The following PLCL2 variants were observed in gnomAD, a reference collection of about 807,000 sequenced individuals.
PLCL2 encodes inactive phospholipase C-like protein 2.
In PLCL2, 4 loss-of-function variants were observed where a neutral mutation model predicts 79.6. That is an observed-to-expected ratio of 0.05 (90% confidence interval 0.02 to 0.11). The LOEUF (loss-of-function observed/expected upper bound fraction) is 0.11, where lower values mean the gene tolerates loss of function less well. Ranked by LOEUF, PLCL2 falls within the 10% of genes least tolerant of loss-of-function variation. PLCL2 has a pLI of 1.00. For synonymous variants in PLCL2, 484 were observed against 457.7 expected (o/e 1.06, Z -0.73); for missense variants, 895 against 1,291.0 (o/e 0.69, Z 4.70).
At chr3:17,043,955 A>AT (rs2064755277) in intron 4 of PLCL2, 1 of 152,156 alleles carries the variant, frequency 6.6e-6, no homozygotes, top group African/African-American at 2.4e-5. Flanking sequence ...TTCAAACACA[A>AT]TTTTTATCTA....
Position 17,079,551 on chromosome 3 carries a change from G to A in PLCL2, c.3205-10182G>A, listed in dbSNP as rs561023117. Among the ~76,000 whole-genome samples the A allele has an allele frequency of 5.3e-5, 8 of 152,228 alleles. No individual in the cohort carries two copies. The East Asian group carries it at 5.8e-4, about 11-fold the overall frequency. The stretch of plus-strand genomic sequence containing the variant: ...CAGAGGTGCCATATGTTGGAGTCAC[G>A]GTCACTCCTCTGTGGCAGGCAGCAT... On this transcript the variant is annotated intron_variant, in intron 5 of 5. Transcript: ENST00000615277.
intron 1 of PLCL2, among the ~76,000 whole-genome samples, chr3:16,904,319 C>CAAAAAAAAAAAAAAAAAAAAAAAAA (rs759121819): frequency 2.2e-5 from 3 of 137,288 alleles, no homozygotes; most frequent in East Asian, 2.0e-4. Flanking sequence ...AAAAAAAAAG[C>CAAAAAAAAAAAAAAAAAAAAAAAAA]AAACTTTGGA....
At chr3:16,922,991 T>C (rs1481460708) in intron 1 of PLCL2, among the ~76,000 whole-genome samples, 2 of 152,148 alleles carry the variant, frequency 1.3e-5, no homozygotes. Context: ...CCCTCTATAA[T>C]ACATATTTAA....
At chr3:16,931,908 A>G (rs1697405148) in intron 1 of PLCL2, among the ~76,000 whole-genome samples, 2 of 152,340 alleles carry the variant, frequency 1.3e-5, no homozygotes, top group African/African-American at 4.8e-5. Flanking sequence ...TGAGATAATT[A>G]GGTCATGAAG....
intron 1 of PLCL2, among the ~76,000 whole-genome samples, chr3:16,996,824 G>T (rs1387790436): frequency 6.6e-6 from 1 of 152,094 alleles, no homozygotes; most frequent in Non-Finnish European, 1.5e-5. Context: ...GTAATTATTT[G>T]ATTTTTAAAT....
intron 4 of PLCL2, among the ~76,000 whole-genome samples, chr3:17,063,878 A>G (rs1415868449): frequency 1.3e-5 from 2 of 152,228 alleles, no homozygotes; most frequent in Admixed American, 1.3e-4. Context: ...GTTTTAAAAC[A>G]AAACCAACTT....
chr3:16,904,981 C>G, intron 1 of PLCL2, among the ~76,000 whole-genome samples: 1 of 152,122 alleles, frequency 6.6e-6, no homozygotes, highest in East Asian at 1.9e-4. Context: ...TATCTAGTCT[C>G]AGGTATTTCT....
At chr3:16,890,170 ATAT>A (rs1696313834) in intron 1 of PLCL2, among the ~76,000 whole-genome samples, 1 of 152,244 alleles carries the variant, frequency 6.6e-6, no homozygotes, top group Non-Finnish European at 1.5e-5. Context: ...AAAGCAGAGT[ATAT>A]TAATTTTCAT....
chr3:17,080,879 G>T (rs1354958545), intron 5 of PLCL2, among the ~76,000 whole-genome samples: 3 of 152,242 alleles, frequency 2.0e-5, no homozygotes, highest in Non-Finnish European at 4.4e-5. Flanking sequence ...CATGAAAAAT[G>T]TAGTGTGTGT....
intron 1 of PLCL2, among the ~76,000 whole-genome samples, chr3:16,939,188 G>A (rs1697616418): frequency 6.6e-6 from 1 of 152,148 alleles, no homozygotes; most frequent in Non-Finnish European, 1.5e-5. Context: ...TTTTCTTTTA[G>A]GGTGAGAGTC....
intron 4 of PLCL2, among the ~76,000 whole-genome samples, chr3:17,043,353 AG>A (rs1158694352): frequency 1.3e-5 from 2 of 152,196 alleles, no homozygotes; most frequent in Non-Finnish European, 2.9e-5. Flanking sequence ...CTTCTTGTAA[AG>A]GAGATGGATT....
intron 1 of PLCL2, among the ~76,000 whole-genome samples, chr3:16,997,040 A>G (rs1194447352): frequency 6.6e-6 from 1 of 152,216 alleles, no homozygotes; most frequent in Non-Finnish European, 1.5e-5. Context: ...CAAAAAAATG[A>G]CTTATGCTTC....
intron 1 of PLCL2, among the ~76,000 whole-genome samples, chr3:16,896,667 A>G (rs1696487060): frequency 6.6e-6 from 1 of 152,176 alleles, no homozygotes; most frequent in Non-Finnish European, 1.5e-5. Flanking sequence ...ATCCAGATAT[A>G]CGGACAAAAT....
At chr3:17,007,249 C>G (rs566984676) in intron 1 of PLCL2, among the ~76,000 whole-genome samples, 2 of 151,970 alleles carry the variant, frequency 1.3e-5, no homozygotes, top group Non-Finnish European at 2.9e-5. Context: ...GTCAGGAGAT[C>G]GAGACCATCC....
intron 4 of PLCL2, among the ~76,000 whole-genome samples, chr3:17,050,703 A>G (rs2064830433): frequency 6.6e-6 from 1 of 152,204 alleles, no homozygotes; most frequent in African/African-American, 2.4e-5. Context: ...GTGGGAATGT[A>G]AATTAGTACA....
intron 1 of PLCL2, among the ~76,000 whole-genome samples, chr3:17,006,688 G>T (rs2064263304): frequency 6.6e-6 from 1 of 152,196 alleles, no homozygotes; most frequent in African/African-American, 2.4e-5. Flanking sequence ...GCCCGTGGTT[G>T]GGTGGTCATC....
At chr3:16,898,882 T>G (rs56317306) in intron 1 of PLCL2, among the ~76,000 whole-genome samples, 1 of 150,348 alleles carries the variant, frequency 6.7e-6, no homozygotes, top group Non-Finnish European at 1.5e-5. Context: ...ATGAGGAGAT[T>G]GCTTGGGGCC....
chr3:16,992,169 C>T, intron 1 of PLCL2, among the ~76,000 whole-genome samples: 1 of 152,098 alleles, frequency 6.6e-6, no homozygotes, highest in East Asian at 1.9e-4. Flanking sequence ...AATACACATG[C>T]ATATGAACAG....
intron 1 of PLCL2, among the ~76,000 whole-genome samples, chr3:16,995,027 G>A (rs1336028153): frequency 6.6e-6 from 1 of 152,224 alleles, no homozygotes. Context: ...CTTCTTGGAA[G>A]CCAAGCAACA....
Sources: allele counts gnomAD v4.1 joint callset (sites outside exome capture counted in the v4.1 genomes callset), GRCh38; gene constraint gnomAD v4.1.1; transcripts MANE v1.5; gene names NCBI Gene and HGNC (gene_info 2026-07-23, HGNC 2026-07-21).